Variants in AGBL4 observed in about 807,000 individuals in gnomAD.
The protein encoded by AGBL4 is cytosolic carboxypeptidase 6.
A neutral mutation model predicts 66.4 loss-of-function variants in AGBL4; 58 were observed. The ratio of observed to expected loss-of-function variants is 0.87; its 90% CI spans 0.71 to 1.09. The LOEUF is 1.09. Among genes scored for constraint, AGBL4 ranks in the 50% least tolerant of loss-of-function variants. AGBL4 has a pLI of 0.00. For synonymous variants in AGBL4, 234 were observed against 222.9 expected, an observed-to-expected ratio of 1.05 and a Z score of -0.44; for missense variants, 579 against 631.0, an observed-to-expected ratio of 0.92 and a Z score of 0.88.
At chr1:49,508,970 A>C (rs1371622575) in intron 3 of AGBL4, among the ~76,000 whole-genome samples, 10 of 151,942 alleles carry the variant, frequency 6.6e-5, no homozygotes, top group Non-Finnish European at 1.5e-4. Context: ...ATCCCTGCTT[A>C]AAGTACTTAT....
chr1:48,705,366 G>A lies in AGBL4; in HGVS notation c.635-42125C>T, dbSNP rs1281502661. 4.6e-5 allele frequency among the ~76,000 whole-genome samples: 7 copies of A among 152,116 alleles called. No homozygotes were observed. In the East Asian group the frequency reaches 9.6e-4, roughly 21 times the overall value. ...TCTATTAGGGGACAAAAATTCCCAA[G>A]CTAAAATGAAAACATTAAATTATGT... On this transcript the variant is annotated intron_variant, in intron 6 of 13. Coordinates refer to ENST00000371839, the MANE Select transcript of AGBL4 (RefSeq NM_032785.4).
chr1:49,670,689 CT>C (rs1558149918), intron 3 of AGBL4, among the ~76,000 whole-genome samples: 4 of 152,240 alleles, frequency 2.6e-5, no homozygotes, highest in South Asian at 4.1e-4. Context: ...GGGTAGAAAT[CT>C]TATGGGCCTG....
chr1:49,724,488 G>T (rs1317955197), intron 2 of AGBL4, among the ~76,000 whole-genome samples: 1 of 152,128 alleles, frequency 6.6e-6, no homozygotes, highest in Non-Finnish European at 1.5e-5. Flanking sequence ...CTTCAAGTGT[G>T]ATGAGTGTTA....
chr1:49,942,470 C>G (rs1021088699), intron 1 of AGBL4, among the ~76,000 whole-genome samples: 2 of 152,050 alleles, frequency 1.3e-5, no homozygotes, highest in African/African-American at 2.4e-5. Flanking sequence ...CAACATGGCA[C>G]TAGCATAAAA....
At chr1:48,820,590 C>A (rs995722368) in intron 6 of AGBL4, among the ~76,000 whole-genome samples, 1 of 152,140 alleles carries the variant, frequency 6.6e-6, no homozygotes, top group African/African-American at 2.4e-5. Flanking sequence ...ACTCCTCTTA[C>A]CTCCCTGATT....
chr1:49,331,930 C>T (rs557291413), intron 3 of AGBL4, among the ~76,000 whole-genome samples: 4 of 152,230 alleles, frequency 2.6e-5, no homozygotes, highest in African/African-American at 7.2e-5. Context: ...GAAGGAGTTC[C>T]GGCGGGGAGG....
intron 6 of AGBL4, chr1:48,776,552 C>T: frequency 2.3e-6 from 3 of 1,303,192 alleles, no homozygotes; most frequent in Non-Finnish European, 3.0e-6. Context: ...CGGCCCCTCC[C>T]GGGGTCCCAG....
At chr1:49,877,613 A>T (rs1334801063) in intron 1 of AGBL4, among the ~76,000 whole-genome samples, 3 of 152,102 alleles carry the variant, frequency 2.0e-5, no homozygotes, top group African/African-American at 7.2e-5. Context: ...TATTGGTCTA[A>T]AATTCTCTTT....
At chr1:48,950,021 A>T (rs183784106) in intron 5 of AGBL4, among the ~76,000 whole-genome samples, 1 of 152,174 alleles carries the variant, frequency 6.6e-6, no homozygotes, top group Non-Finnish European at 1.5e-5. Flanking sequence ...ATATTATAAC[A>T]ATCTACTATT....
intron 5 of AGBL4, among the ~76,000 whole-genome samples, chr1:49,018,846 T>G (rs1663022082): frequency 6.6e-6 from 1 of 152,168 alleles, no homozygotes; most frequent in African/African-American, 2.4e-5. Flanking sequence ...GTTAGAGAAC[T>G]CCCTAACAAT....
chr1:48,572,691 G>A (rs986946680), intron 11 of AGBL4, among the ~76,000 whole-genome samples: 1 of 152,102 alleles, frequency 6.6e-6, no homozygotes, highest in Non-Finnish European at 1.5e-5. Flanking sequence ...GAACTGAAGG[G>A]GGGGTGCGTC....
intron 3 of AGBL4, among the ~76,000 whole-genome samples, chr1:49,382,507 A>T (rs1331853157): frequency 6.6e-6 from 1 of 152,114 alleles, no homozygotes; most frequent in East Asian, 1.9e-4. Context: ...AATAGAAGGA[A>T]GTTACCTCAA....
At chr1:49,390,262 A>C (rs763178396) in intron 3 of AGBL4, among the ~76,000 whole-genome samples, 5 of 152,204 alleles carry the variant, frequency 3.3e-5, no homozygotes, top group Non-Finnish European at 7.3e-5. Flanking sequence ...TATGCTGTTA[A>C]AACTTGAAAA....
intron 2 of AGBL4, among the ~76,000 whole-genome samples, chr1:49,701,218 G>A (rs996826348): frequency 3.9e-5 from 6 of 151,998 alleles, no homozygotes; most frequent in African/African-American, 1.4e-4. Flanking sequence ...CTTGCACCTA[G>A]GAGGTGGAGG....
chr1:48,776,908 G>A (rs1214629889), intron 6 of AGBL4: 36 of 884,104 alleles, frequency 4.1e-5, no homozygotes, highest in African/African-American at 7.4e-5. Context: ...CCGGCGGGGG[G>A]CGCGAGTCTC....
rs1023764207 is a variant in AGBL4, at chr1:49,505,897, G to A, written c.282+191416C>T. Among the ~76,000 whole-genome samples the A allele has an allele frequency of 2.0e-4, 30 of 151,698 alleles. 1 individual carries two copies. Among genetic ancestry groups the A allele is most frequent in the Admixed American group, 1.4e-3 (21 of 15,238 alleles). On this transcript the variant is annotated intron_variant, in intron 3 of 13. Coordinates refer to ENST00000371839, the MANE Select transcript of AGBL4 (RefSeq NM_032785.4). ...CTGTTGAAGCTGTTCTATAATTCCC[G>A]TAAACTTTCCTTTTTCTTTTTTCTC...
At chr1:49,212,768 T>A (rs185363681) in intron 4 of AGBL4, among the ~76,000 whole-genome samples, 4 of 152,142 alleles carry the variant, frequency 2.6e-5, no homozygotes, top group Non-Finnish European at 4.4e-5. Context: ...CTGTATAGAG[T>A]TGTGTAGTCT....
At chr1:49,498,132 T>C (rs554957094) in intron 3 of AGBL4, among the ~76,000 whole-genome samples, 1 of 151,972 alleles carries the variant, frequency 6.6e-6, no homozygotes, top group South Asian at 2.1e-4. Flanking sequence ...TTTTTGTAGA[T>C]GTTGTAAAAG....
chr1:49,158,911 G>A (rs1233319606), intron 4 of AGBL4, among the ~76,000 whole-genome samples: 2 of 148,252 alleles, frequency 1.3e-5, no homozygotes, highest in Non-Finnish European at 3.0e-5. Context: ...CTTTCCACTT[G>A]CTTGGTAAAT....
Sources: allele counts gnomAD v4.1 joint callset (sites outside exome capture counted in the v4.1 genomes callset), GRCh38; gene constraint gnomAD v4.1.1; transcripts MANE v1.5; gene names NCBI Gene and HGNC (gene_info 2026-07-23, HGNC 2026-07-21).